NUBPL: variants seen among roughly 807,000 people sequenced by gnomAD.
NUBPL encodes iron-sulfur cluster transfer protein NUBPL.
Under a neutral mutation model 45.7 loss-of-function variants are expected in NUBPL, and 31 were observed. That is an observed-to-expected ratio of 0.68 (90% CI 0.51 to 0.92). The LOEUF is 0.92. Among genes scored for constraint, NUBPL ranks in the 40% least tolerant of loss-of-function variants. The pLI, the probability that NUBPL is intolerant of heterozygous loss-of-function variation, is 0.00. For missense variants in NUBPL, 401 were observed against 398.7 expected (o/e 1.01, Z -0.05); for synonymous variants, 144 against 140.9 (o/e 1.02, Z -0.15).
At chr14:31,577,410 G>GGTTT (rs372404856) in intron 3 of NUBPL, among the ~76,000 whole-genome samples, 2 of 152,036 alleles carry the variant, frequency 1.3e-5, no homozygotes, top group East Asian at 1.9e-4. Flanking sequence ...TGCTTGGCTT[G>GGTTT]GTTTGTTTGT....
chr14:31,733,827 G>A (rs1024857042), intron 6 of NUBPL, among the ~76,000 whole-genome samples: 19 of 152,162 alleles, frequency 1.2e-4, no homozygotes, highest in African/African-American at 4.6e-4. Context: ...TGGTGAGAAT[G>A]TATTTACTCG....
intron 6 of NUBPL, among the ~76,000 whole-genome samples, chr14:31,758,387 GT>G (rs2038722030): frequency 6.6e-6 from 1 of 152,118 alleles, no homozygotes; most frequent in African/African-American, 2.4e-5. Flanking sequence ...CATTATTAAT[GT>G]TTTCAAAGGC....
Position 31,653,759 on chromosome 14 carries a change from A to G in NUBPL, c.383-19596A>G, listed in dbSNP as rs111820417. ...GACAGGCATAAGAAATTATAAGAGC[A>G]TTATTTGGGAACTGATAAATGTCCA... On this transcript the variant is annotated intron_variant, in intron 4 of 10. Coordinates refer to ENST00000281081, the MANE Select transcript of NUBPL (RefSeq NM_025152.3). Among the ~76,000 whole-genome samples, 480 of 152,338 alleles carry G rather than the reference A, an allele frequency of 3.2e-3. 2 individuals carry two copies. The highest frequency in any genetic ancestry group is 0.01 in the Middle Eastern group (3 of 294).
intron 4 of NUBPL, among the ~76,000 whole-genome samples, chr14:31,658,103 A>G (rs879836626): frequency 2.0e-5 from 3 of 152,234 alleles, no homozygotes; most frequent in Non-Finnish European, 2.9e-5. Context: ...ACACTGTTAA[A>G]TCATTCCAGG....
intron 8 of NUBPL, among the ~76,000 whole-genome samples, chr14:31,843,134 A>G (rs929341978): frequency 2.0e-5 from 3 of 152,230 alleles, no homozygotes; most frequent in African/African-American, 7.2e-5. Flanking sequence ...CCAGACTGAT[A>G]CAGCAGCCAC....
chr14:31,808,233 T>C (rs1245903204), intron 7 of NUBPL, among the ~76,000 whole-genome samples: 1 of 152,210 alleles, frequency 6.6e-6, no homozygotes, highest in Admixed American at 6.5e-5. Flanking sequence ...ATTTTCACGA[T>C]ATTGATTCTT....
chr14:31,652,949 CTG>C (rs1309668993), intron 4 of NUBPL, among the ~76,000 whole-genome samples: 1 of 152,136 alleles, frequency 6.6e-6, no homozygotes, highest in Non-Finnish European at 1.5e-5. Flanking sequence ...AGCTGGGCCT[CTG>C]GGGGTGACAT....
At chr14:31,741,799 A>G (rs1262504620) in intron 6 of NUBPL, among the ~76,000 whole-genome samples, 1 of 148,658 alleles carries the variant, frequency 6.7e-6, no homozygotes, top group Non-Finnish European at 1.5e-5. Flanking sequence ...CTGCCTGTCT[A>G]CCTGTCTAAT....
chr14:31,563,001 T>A lies in NUBPL; in HGVS notation c.256+786T>A, dbSNP rs1239902508. 4 of 153,276 alleles carry A rather than the reference T, an allele frequency of 2.6e-5. No individual in the cohort carries two copies. The East Asian group carries it at 7.7e-4, about 29-fold the overall frequency. 9.5% of individuals were successfully genotyped at this position (153,276 alleles called of 1,614,324 possible). ...AGTTAAGATTTACCAAATATTGTAT[T>A]TGTGGTGGATCACTAATCCATTACT... On this transcript the variant is annotated intron_variant, in intron 2 of 10. Transcript: ENST00000281081.
chr14:31,626,383 G>A (rs145068145), intron 4 of NUBPL, among the ~76,000 whole-genome samples: 14 of 152,132 alleles, frequency 9.2e-5, no homozygotes, highest in African/African-American at 2.6e-4. Flanking sequence ...CAGGTGATCC[G>A]CCTGCCTTGT....
intron 6 of NUBPL, among the ~76,000 whole-genome samples, chr14:31,732,078 C>T (rs942647423): frequency 2.6e-5 from 4 of 151,072 alleles, no homozygotes; most frequent in African/African-American, 9.7e-5. Context: ...CCTGTAATCG[C>T]AGCTACTTGG....
At chr14:31,857,584 T>C (rs1395895537) in intron 10 of NUBPL, among the ~76,000 whole-genome samples, 1 of 152,208 alleles carries the variant, frequency 6.6e-6, no homozygotes, top group Non-Finnish European at 1.5e-5. Flanking sequence ...CTTTAACCTC[T>C]TGAATGCTTT....
chr14:31,644,922 C>T (rs899958312), intron 4 of NUBPL, among the ~76,000 whole-genome samples: 3 of 151,988 alleles, frequency 2.0e-5, no homozygotes, highest in Admixed American at 2.0e-4. Context: ...CTTTTTTGCA[C>T]AGTATGATTT....
chr14:31,625,772 G>A (rs1431944569), intron 4 of NUBPL, among the ~76,000 whole-genome samples: 3 of 152,082 alleles, frequency 2.0e-5, no homozygotes, highest in African/African-American at 7.2e-5. Context: ...CACTGTGCCC[G>A]GCTGCTATGT....
chr14:31,826,494 A>G (rs1280524810), intron 7 of NUBPL, 135 bp from the exon 8 acceptor site: 1 of 767,876 alleles, frequency 1.3e-6, no homozygotes, highest in Non-Finnish European at 2.2e-6. Flanking sequence ...TTTCTCATTC[A>G]TGTGTGTAAA....
chr14:31,672,883 G>T (rs1330555118), intron 4 of NUBPL, among the ~76,000 whole-genome samples: 1 of 152,168 alleles, frequency 6.6e-6, no homozygotes, highest in Non-Finnish European at 1.5e-5. Context: ...GTTATATTTA[G>T]TTGAAAGTTA....
intron 6 of NUBPL, among the ~76,000 whole-genome samples, chr14:31,749,068 AAG>A (rs2038463745): frequency 6.6e-6 from 1 of 152,216 alleles, no homozygotes; most frequent in East Asian, 1.9e-4. Context: ...GATTTTTAAA[AAG>A]AAATCCGTTC....
At chr14:31,688,658 G>GT (rs35846918) in intron 6 of NUBPL, among the ~76,000 whole-genome samples, 56,861 of 129,302 alleles carry the variant, frequency 0.44, 14,419 homozygotes, top group East Asian at 0.57. Context: ...TTTTGTTGTT[G>GT]TTTTTTTTTT....
Position 31,789,291 on chromosome 14 carries a change from G to A in NUBPL, c.607+1418G>A, listed in dbSNP as rs142769331. On this transcript the variant is annotated intron_variant, in intron 7 of 10. Coordinates refer to ENST00000281081, the MANE Select transcript of NUBPL (RefSeq NM_025152.3). ...TAGTGAGCTGAGATAGTGCCATTGC[G>A]CTCCAGCCTGGGCGACAGAGTGAGA... is the stretch of plus-strand genomic sequence containing the variant. 2.0e-3 allele frequency among the ~76,000 whole-genome samples: 304 copies of A among 150,886 alleles called. 1 individual carries two copies. The highest frequency in any genetic ancestry group is 6.9e-3 in the African/African-American group (285 of 41,016).
Sources: allele counts gnomAD v4.1 joint callset (sites outside exome capture counted in the v4.1 genomes callset), GRCh38; gene constraint gnomAD v4.1.1; transcripts MANE v1.5; gene names NCBI Gene and HGNC (gene_info 2026-07-23, HGNC 2026-07-21).